Variants in LAPTM4B observed in about 807,000 individuals in gnomAD.
The protein encoded by LAPTM4B is lysosomal protein transmembrane 4 beta, also known as lysosomal-associated transmembrane protein 4B.
A neutral mutation model predicts 28.5 loss-of-function variants in LAPTM4B; 26 were observed. The observed-to-expected ratio is 0.91, with a 90% CI of 0.67 to 1.27. The LOEUF is 1.27. Among genes scored for constraint, LAPTM4B ranks in the 50% most tolerant of loss-of-function variants. The pLI, the probability that LAPTM4B is intolerant of heterozygous loss-of-function variation, is 0.00. For missense variants in LAPTM4B, 288 were observed against 285.8 expected, an observed-to-expected ratio of 1.01 and a Z score of -0.06; for synonymous variants, 109 against 106.4, an observed-to-expected ratio of 1.02 and a Z score of -0.15.
At chr8:97,813,548 C>G (rs368436205) in intron 2 of LAPTM4B, among the ~76,000 whole-genome samples, 39 of 152,222 alleles carry the variant, frequency 2.6e-4, no homozygotes, top group African/African-American at 9.4e-4. Context: ...TCCTTCAGTC[C>G]AGTCAAGTTG....
intron 6 of LAPTM4B, among the ~76,000 whole-genome samples, chr8:97,849,117 C>A (rs1368413168): frequency 6.6e-6 from 1 of 152,164 alleles, no homozygotes; most frequent in African/African-American, 2.4e-5. Flanking sequence ...CTTGCAGTTC[C>A]CAGAAAGTGC....
At chr8:97,824,340 T>A (rs1817059110) in intron 5 of LAPTM4B, among the ~76,000 whole-genome samples, 1 of 152,186 alleles carries the variant, frequency 6.6e-6, no homozygotes, top group Non-Finnish European at 1.5e-5. Context: ...CTAGTTTCTC[T>A]ATGTGTTTAA....
At chr8:97,823,015 G>C (rs1464818583) in intron 5 of LAPTM4B, among the ~76,000 whole-genome samples, 1 of 151,648 alleles carries the variant, frequency 6.6e-6, no homozygotes, top group African/African-American at 2.4e-5. Context: ...CTAGTTTTTT[G>C]TATTTTTACT....
In LAPTM4B at chr8:97,805,344, T is replaced by C; in HGVS notation, c.100-9T>C. The C allele has an allele frequency of 7.3e-7, 1 of 1,379,218 alleles. No individual in the cohort carries two copies. The highest frequency in any genetic ancestry group is 1.3e-5 in the South Asian group (1 of 79,756). 85.4% of individuals were successfully genotyped at this position (1,379,218 alleles called of 1,614,324 possible). On this transcript the variant is annotated splice_polypyrimidine_tract_variant and intron_variant, in intron 1 of 6. Transcript: ENST00000521545. ...AAATTCTTTTTTTTTTTTTTTTTTC[T>C]TGTTGCAGATCATCAATGCTGTGGT...
intron 6 of LAPTM4B, among the ~76,000 whole-genome samples, chr8:97,840,614 T>C (rs1182807627): frequency 6.7e-6 from 1 of 148,862 alleles, no homozygotes; most frequent in Non-Finnish European, 1.5e-5. Flanking sequence ...CCTCTTACTG[T>C]GAGGTACTGT....
chr8:97,840,572 A>G (rs984964668), intron 6 of LAPTM4B, among the ~76,000 whole-genome samples: 1 of 152,234 alleles, frequency 6.6e-6, no homozygotes. Context: ...ACAAGATGTT[A>G]TCACTTGTCA....
intron 6 of LAPTM4B, among the ~76,000 whole-genome samples, chr8:97,834,292 A>G (rs1344644740): frequency 6.6e-6 from 1 of 152,160 alleles, no homozygotes; most frequent in Admixed American, 6.6e-5. Context: ...TGACACAGCA[A>G]GACTCTTTAA....
At chr8:97,811,774 G>A (rs1272325074) in intron 2 of LAPTM4B, among the ~76,000 whole-genome samples, 1 of 152,068 alleles carries the variant, frequency 6.6e-6, no homozygotes, top group African/African-American at 2.4e-5. Context: ...AGCTGAGCCA[G>A]GGGAACCATC....
chr8:97,787,505 C>A (rs918561550), intron 1 of LAPTM4B, among the ~76,000 whole-genome samples: 2 of 152,084 alleles, frequency 1.3e-5, no homozygotes, highest in African/African-American at 4.8e-5. Context: ...AGGATGGTCT[C>A]GATCTCCTGA....
At chr8:97,797,204 G>A (rs1816603187) in intron 1 of LAPTM4B, among the ~76,000 whole-genome samples, 1 of 150,640 alleles carries the variant, frequency 6.6e-6, no homozygotes, top group African/African-American at 2.4e-5. Flanking sequence ...GTGCGACCTC[G>A]GCTCACTGAA....
At chr8:97,791,051 C>T (rs1198468210) in intron 1 of LAPTM4B, among the ~76,000 whole-genome samples, 1 of 152,122 alleles carries the variant, frequency 6.6e-6, no homozygotes, top group Non-Finnish European at 1.5e-5. Context: ...ACCACAGGCA[C>T]ACACCACACC....
At chr8:97,794,509 A>C (rs1816551470) in intron 1 of LAPTM4B, among the ~76,000 whole-genome samples, 1 of 152,164 alleles carries the variant, frequency 6.6e-6, no homozygotes, top group Non-Finnish European at 1.5e-5. Flanking sequence ...TTAGGCAAAT[A>C]GGATTTTACA....
At chr8:97,838,408 CAT>C (rs1317071127) in intron 6 of LAPTM4B, among the ~76,000 whole-genome samples, 2 of 152,238 alleles carry the variant, frequency 1.3e-5, no homozygotes, top group Non-Finnish European at 2.9e-5. Context: ...TCTCCGCAGA[CAT>C]GTGGCAGTTG....
intron 1 of LAPTM4B, among the ~76,000 whole-genome samples, chr8:97,803,638 A>C (rs1816721880): frequency 6.6e-6 from 1 of 152,012 alleles, no homozygotes; most frequent in South Asian, 2.1e-4. Context: ...GGTATTTCCA[A>C]GTATGTGGAT....
At chr8:97,827,193 C>T (rs1817103208) in intron 6 of LAPTM4B, among the ~76,000 whole-genome samples, 1 of 152,172 alleles carries the variant, frequency 6.6e-6, no homozygotes. Context: ...TGGTTATTAC[C>T]CTAGGTGTGT....
At chr8:97,842,622 A>G (rs1242883130) in intron 6 of LAPTM4B, among the ~76,000 whole-genome samples, 1 of 151,942 alleles carries the variant, frequency 6.6e-6, no homozygotes, top group Non-Finnish European at 1.5e-5. Flanking sequence ...GGGTTCAAGC[A>G]TTTCTCCTGC....
intron 6 of LAPTM4B, among the ~76,000 whole-genome samples, chr8:97,828,645 T>G (rs1817130598): frequency 6.6e-6 from 1 of 152,046 alleles, no homozygotes. Context: ...ATAGGCAGAG[T>G]CCTCCTTTTT....
At chr8:97,819,105 A>G (rs774593806) in intron 4 of LAPTM4B, 35 bp from the exon 5 acceptor site, 55 of 1,268,108 alleles carry the variant, frequency 4.3e-5, no homozygotes, top group Non-Finnish European at 5.4e-5. Flanking sequence ...GGAATGATTA[A>G]TGAGATTTGC....
chr8:97,818,479 A>G (rs1816956498), intron 4 of LAPTM4B, among the ~76,000 whole-genome samples: 1 of 152,154 alleles, frequency 6.6e-6, no homozygotes, highest in South Asian at 2.1e-4. Context: ...AACTCCCTCT[A>G]ACCATAGTAG....
Sources: gnomAD v4.1 joint callset for allele counts (sites outside exome capture counted in the v4.1 genomes callset) on GRCh38, gnomAD v4.1.1 for gene constraint, MANE v1.5 for transcripts, NCBI Gene and HGNC (gene_info 2026-07-23, HGNC 2026-07-21) for gene names.